The following SLC30A7 variants were observed in gnomAD, a reference collection of about 807,000 sequenced individuals.
SLC30A7 encodes the protein zinc transporter 7.
In SLC30A7, 35 loss-of-function variants were observed where a neutral mutation model predicts 46.0. The observed-to-expected ratio is 0.76, with a 90% CI of 0.58 to 1.01. The LOEUF (loss-of-function observed/expected upper bound fraction) is 1.01, where lower values mean the gene tolerates loss of function less well. Ranked by LOEUF, SLC30A7 falls within the 50% of genes least tolerant of loss-of-function variation. SLC30A7 has a pLI of 0.00. For missense variants in SLC30A7, 464 were observed against 451.1 expected (o/e 1.03, Z -0.26); for synonymous variants, 147 against 157.8 (o/e 0.93, Z 0.51).
the SLC30A7 span, chr1:100,990,674 A>T: frequency 6.4e-7 from 1 of 1,573,722 alleles, no homozygotes; most frequent in African/African-American, 1.3e-5. Context: ...CAGCAAATGC[A>T]TCATCCATCC....
At chr1:100,936,013 G>A (rs561214903) in intron 8 of SLC30A7, among the ~76,000 whole-genome samples, 3 of 151,858 alleles carry the variant, frequency 2.0e-5, no homozygotes, top group African/African-American at 7.3e-5. Context: ...AGGTTTATGA[G>A]CAGAGACAAA....
chr1:100,911,139 G>A lies in SLC30A7; in HGVS notation c.373G>A (p.Glu125Lys). Residue 125 changes from glutamate to lysine, a missense_variant, in exon 4 of 11, where the codon GAA (glutamate) becomes AAA (lysine). Glu to Lys is a moderately conservative substitution (Grantham distance 56). Transcript: ENST00000357650. ...CTTCACTGCTTTTTTTATTTTCTCA[G>A]AAGGAGTTGAGGTATAGTAGATAAT... The part of the protein sequence containing the change: ...LIFTAFFIFS[E>K]GVERALAPPD... The A allele has an allele frequency of 6.2e-7, 1 of 1,607,874 alleles. No individual in the cohort carries two copies. The highest frequency in any genetic ancestry group is 8.5e-7 in the Non-Finnish European group (1 of 1,175,592).
chr1:100,906,572 G>A (rs1570506871), intron 2 of SLC30A7, among the ~76,000 whole-genome samples: 1 of 152,024 alleles, frequency 6.6e-6, no homozygotes, highest in African/African-American at 2.4e-5. Context: ...ACCTTTGCAA[G>A]TGACCAAGGA....
chr1:100,958,592 T>G (rs112037834), intron 8 of SLC30A7, among the ~76,000 whole-genome samples: 8 of 152,362 alleles, frequency 5.3e-5, no homozygotes, highest in East Asian at 1.9e-4. Flanking sequence ...ACTGTGACTT[T>G]ACTTTCTTTA....
chr1:100,945,736 G>T (rs572315929), intron 8 of SLC30A7, among the ~76,000 whole-genome samples: 1 of 152,222 alleles, frequency 6.6e-6, no homozygotes, highest in Non-Finnish European at 1.5e-5. Flanking sequence ...CTCCAGCTTT[G>T]TTCTTTTTGC....
intron 1 of SLC30A7, 67 bp from the exon 2 acceptor site, chr1:100,896,503 T>C (rs1650943203): frequency 2.7e-6 from 4 of 1,481,338 alleles, no homozygotes; most frequent in Non-Finnish European, 3.8e-6. Flanking sequence ...TTGAAGAGGG[T>C]ACCCAGCCTC....
At chr1:100,987,931 G>A in the SLC30A7 span, among the ~76,000 whole-genome samples, 2 of 152,060 alleles carry the variant, frequency 1.3e-5, no homozygotes, top group African/African-American at 4.8e-5. Flanking sequence ...CCATTCTGGG[G>A]TTTGGGAAGC....
intron 8 of SLC30A7, among the ~76,000 whole-genome samples, chr1:100,938,147 G>A (rs1654085064): frequency 1.3e-5 from 2 of 152,144 alleles, no homozygotes; most frequent in Admixed American, 1.3e-4. Context: ...GTAGTAACTT[G>A]AAATTAGGAA....
chr1:100,934,174 T>G (rs1653822463), intron 8 of SLC30A7, among the ~76,000 whole-genome samples: 1 of 152,216 alleles, frequency 6.6e-6, no homozygotes, highest in Admixed American at 6.5e-5. Context: ...GACCCCTCTG[T>G]TTTCTCAAGT....
At chr1:100,964,694 T>G (rs1329067384) in intron 9 of SLC30A7, among the ~76,000 whole-genome samples, 1 of 152,208 alleles carries the variant, frequency 6.6e-6, no homozygotes, top group Non-Finnish European at 1.5e-5. Context: ...ACTGCAGTCA[T>G]GTACTTGTAC....
intron 10 of SLC30A7, among the ~76,000 whole-genome samples, chr1:100,968,306 C>A (rs1371394409): frequency 6.6e-6 from 1 of 151,846 alleles, no homozygotes; most frequent in Non-Finnish European, 1.5e-5. Flanking sequence ...ACTAAAAATA[C>A]AAAAATTAGC....
intron 2 of SLC30A7, among the ~76,000 whole-genome samples, chr1:100,906,640 G>C (rs1397699051): frequency 6.6e-6 from 1 of 152,020 alleles, no homozygotes; most frequent in Non-Finnish European, 1.5e-5. Context: ...TACCTCTCTC[G>C]CAGCAGCTGG....
At chr1:100,961,028 C>T (rs1655519599) in intron 8 of SLC30A7, among the ~76,000 whole-genome samples, 1 of 146,420 alleles carries the variant, frequency 6.8e-6, no homozygotes, top group Non-Finnish European at 1.5e-5. Flanking sequence ...GATCTCGGCT[C>T]ACTGCAAGCT....
At chr1:100,926,172 T>C (rs531593639) in intron 8 of SLC30A7, among the ~76,000 whole-genome samples, 1 of 152,360 alleles carries the variant, frequency 6.6e-6, no homozygotes, top group East Asian at 1.9e-4. Flanking sequence ...TCAGGTCATA[T>C]GATTGGATTT....
At chr1:100,916,208 A>C (rs916405515) in intron 6 of SLC30A7, among the ~76,000 whole-genome samples, 1 of 151,604 alleles carries the variant, frequency 6.6e-6, no homozygotes, top group Non-Finnish European at 1.5e-5. Flanking sequence ...TATTTTTGAG[A>C]TGGAGTCTCG....
At chr1:100,923,637 G>A (rs957827012) in intron 8 of SLC30A7, among the ~76,000 whole-genome samples, 1 of 152,082 alleles carries the variant, frequency 6.6e-6, no homozygotes, top group African/African-American at 2.4e-5. Context: ...AATTAGCTGG[G>A]CATGGTGGTT....
At position 100,977,408 on chromosome 1, in the gene SLC30A7, G is replaced by A. The variant is rs1015477130; in HGVS notation, c.*2551G>A. On this transcript the variant is annotated 3_prime_UTR_variant, in exon 11 of 11. Coordinates refer to ENST00000357650, the MANE Select transcript of SLC30A7 (RefSeq NM_133496.5). Reference sequence around the variant, plus strand: ...TAATTAAATGCCAGTATACCTATGTGTGCAGCAGTAAAAAATTAGTGAGAA... The same window carrying A: ...TAATTAAATGCCAGTATACCTATGTATGCAGCAGTAAAAAATTAGTGAGAA... 3.3e-5 allele frequency: 5 copies of A among 152,124 alleles called. No individual in the cohort carries two copies. Among genetic ancestry groups the A allele is most frequent in the African/African-American group, 1.2e-4 (5 of 41,422 alleles). The allele number at this position is 152,124 out of a possible 1,614,324, so 9.4% of individuals were successfully genotyped here. A position where few individuals can be genotyped will look rare whatever the true frequency, so the allele number is the denominator to read the frequency against.
intron 2 of SLC30A7, among the ~76,000 whole-genome samples, chr1:100,898,681 G>A (rs1340832666): frequency 1.8e-4 from 27 of 152,014 alleles, no homozygotes; most frequent in Admixed American, 1.8e-3. Context: ...TTAATAATCT[G>A]GCTTTCTGTG....
At chr1:100,949,606 C>A (rs1426752449) in intron 8 of SLC30A7, among the ~76,000 whole-genome samples, 4 of 152,328 alleles carry the variant, frequency 2.6e-5, no homozygotes, top group Non-Finnish European at 2.9e-5. Context: ...TTCAGCTATG[C>A]CTTGCCCACA....
Sources: allele counts gnomAD v4.1 joint callset (sites outside exome capture counted in the v4.1 genomes callset), GRCh38; gene constraint gnomAD v4.1.1; transcripts MANE v1.5; gene names NCBI Gene and HGNC (gene_info 2026-07-23, HGNC 2026-07-21).